The following MARK1 variants were observed in gnomAD, a reference collection of about 807,000 sequenced individuals.
MARK1 encodes the protein microtubule affinity regulating kinase 1, also known as serine/threonine-protein kinase MARK1.
Under a neutral mutation model 96.3 loss-of-function variants are expected in MARK1, and 40 were observed. The ratio of observed to expected loss-of-function variants is 0.42; its 90% CI spans 0.32 to 0.54. The LOEUF is 0.54. Among genes scored for constraint, MARK1 ranks in the 20% least tolerant of loss-of-function variants. MARK1 has a pLI of 0.16. For synonymous variants in MARK1, 317 were observed against 341.2 expected (o/e 0.93, Z 0.78); for missense variants, 719 against 984.6 (o/e 0.73, Z 3.61).
At chr1:220,624,190 C>T (rs766693369) in intron 9 of MARK1, among the ~76,000 whole-genome samples, 23 of 151,154 alleles carry the variant, frequency 1.5e-4, no homozygotes, top group African/African-American at 3.4e-4. Context: ...CCCAGCTACT[C>T]GGGAGGCTGA....
At chr1:220,547,462 G>T (rs1190801554) in intron 1 of MARK1, among the ~76,000 whole-genome samples, 1 of 152,168 alleles carries the variant, frequency 6.6e-6, no homozygotes, top group Admixed American at 6.5e-5. Context: ...TAAGAGTATG[G>T]TCACTGAGGA....
intron 1 of MARK1, among the ~76,000 whole-genome samples, chr1:220,536,085 T>C (rs940457766): frequency 1.6e-4 from 24 of 152,174 alleles, no homozygotes; most frequent in African/African-American, 5.8e-4. Flanking sequence ...GAAATGTAAC[T>C]GACTTTTGTA....
chr1:220,637,800 G>GAA (rs796892241), intron 13 of MARK1, among the ~76,000 whole-genome samples: 2 of 132,932 alleles, frequency 1.5e-5, no homozygotes, highest in Non-Finnish European at 3.3e-5. Flanking sequence ...CCAGCAGAAG[G>GAA]AAAAAAAAAA....
chr1:220,542,062 C>T (rs1661185366), intron 1 of MARK1, among the ~76,000 whole-genome samples: 1 of 152,146 alleles, frequency 6.6e-6, no homozygotes, highest in Non-Finnish European at 1.5e-5. Flanking sequence ...CTCTGGCAGT[C>T]CCCTAAAAAT....
At chr1:220,647,421 A>G (rs1006085993) in intron 13 of MARK1, among the ~76,000 whole-genome samples, 1 of 152,210 alleles carries the variant, frequency 6.6e-6, no homozygotes, top group Non-Finnish European at 1.5e-5. Context: ...AAGGTTTCAG[A>G]GAAACACTTT....
intron 1 of MARK1, among the ~76,000 whole-genome samples, chr1:220,542,552 C>G (rs1661213995): frequency 6.6e-6 from 1 of 152,178 alleles, no homozygotes; most frequent in South Asian, 2.1e-4. Context: ...CTGGGAACCC[C>G]TACTGACGTG....
chr1:220,546,972 CAAAAAAA>C (rs56026911), intron 1 of MARK1, among the ~76,000 whole-genome samples: 1 of 131,098 alleles, frequency 7.6e-6, no homozygotes, highest in African/African-American at 2.8e-5. Context: ...ACTCCGTCTC[CAAAAAAA>C]AAAAAAAAGA....
At chr1:220,572,485 T>C (rs1180998512) in intron 1 of MARK1, among the ~76,000 whole-genome samples, 1 of 152,166 alleles carries the variant, frequency 6.6e-6, no homozygotes, top group African/African-American at 2.4e-5. Context: ...TCAGGTGATC[T>C]GCCCTCCTCA....
intron 13 of MARK1, among the ~76,000 whole-genome samples, chr1:220,643,471 A>G (rs1052832142): frequency 6.6e-6 from 1 of 152,156 alleles, no homozygotes; most frequent in Non-Finnish European, 1.5e-5. Flanking sequence ...TAAAAGAGAC[A>G]GGGAGAATGG....
At chr1:220,567,000 A>G (rs1239910866) in intron 1 of MARK1, among the ~76,000 whole-genome samples, 1 of 152,174 alleles carries the variant, frequency 6.6e-6, no homozygotes, top group African/African-American at 2.4e-5. Context: ...TCAAAAGGGT[A>G]TGCCAGTGAA....
intron 3 of MARK1, among the ~76,000 whole-genome samples, chr1:220,597,906 T>A (rs1213875092): frequency 6.6e-6 from 1 of 152,170 alleles, no homozygotes; most frequent in Non-Finnish European, 1.5e-5. Flanking sequence ...GTCTGATCAG[T>A]CAGAAGAGAT....
chr1:220,661,853 G>A lies in MARK1; in HGVS notation c.2075G>A (p.Gly692Asp). The A allele has an allele frequency of 5.0e-6, 8 of 1,613,722 alleles. No homozygotes were observed. Among genetic ancestry groups the A allele is most frequent in the Non-Finnish European group, 5.1e-6 (6 of 1,179,760 alleles). The change falls in exon 18 of 18, where the codon GGT becomes GAT. Residue 692 changes from glycine to aspartate, a missense_variant. Coordinates refer to ENST00000366917, the MANE Select transcript of MARK1 (RefSeq NM_018650.5). ...GEPKERDKEE[G>D]KDSKPRSLRF... ...CCAAAAGAAAGAGACAAGGAAGAGG[G>A]TAAAGATTCTAAGCCGCGTTCTTTG... is the stretch of plus-strand genomic sequence containing the variant.
At chr1:220,602,250 C>A (rs1160534517) in intron 5 of MARK1, among the ~76,000 whole-genome samples, 1 of 151,980 alleles carries the variant, frequency 6.6e-6, no homozygotes, top group Non-Finnish European at 1.5e-5. Flanking sequence ...TATTTTGAAC[C>A]ATGTTTAATC....
At chr1:220,599,684 T>G (rs898873052) in intron 4 of MARK1, 114 bp from the exon 5 acceptor site, 2 of 506,364 alleles carry the variant, frequency 3.9e-6, no homozygotes, top group African/African-American at 2.0e-5. Flanking sequence ...TTGTGATTAA[T>G]AATGTTTAGC....
chr1:220,562,919 A>G (rs1662770535), intron 1 of MARK1, among the ~76,000 whole-genome samples: 2 of 152,106 alleles, frequency 1.3e-5, no homozygotes, highest in Non-Finnish European at 2.9e-5. Context: ...TTTTCAATCC[A>G]TAGTTGGTTG....
chr1:220,539,791 G>T (rs1408760013), intron 1 of MARK1, among the ~76,000 whole-genome samples: 1 of 151,188 alleles, frequency 6.6e-6, no homozygotes, highest in Non-Finnish European at 1.5e-5. Context: ...TTTTTCCTGA[G>T]AATTTTTATA....
chr1:220,553,246 A>G (rs1661995019), intron 1 of MARK1, among the ~76,000 whole-genome samples: 1 of 152,148 alleles, frequency 6.6e-6, no homozygotes, highest in African/African-American at 2.4e-5. Flanking sequence ...TTTATACTAC[A>G]TACTCTCTCT....
intron 3 of MARK1, 88 bp downstream of exon 3, chr1:220,581,206 T>A: frequency 2.3e-6 from 1 of 426,318 alleles, no homozygotes; most frequent in Non-Finnish European, 4.2e-6. Context: ...AAATTTTCTA[T>A]TAGGTACAAT....
Position 220,528,828 on chromosome 1 carries a change from G to A in MARK1, c.6G>A (p.Ser2=), listed in dbSNP as rs774549309. 2 of 1,561,010 alleles carry A rather than the reference G, an allele frequency of 1.3e-6. No individual in the cohort carries two copies. Among genetic ancestry groups the A allele is most frequent in the South Asian group, 2.4e-5 (2 of 84,750 alleles). Reference sequence around the variant, plus strand: ...GACCCCGCTGCCCGCACAAAATGTCGGCCCGGACGCCATTGCCGACGGTGA... The same window carrying A: ...GACCCCGCTGCCCGCACAAAATGTCAGCCCGGACGCCATTGCCGACGGTGA... M[S]ARTPLPTVNE... The change falls in exon 1 of 18, where the codon TCG becomes TCA. Residue 2 remains serine (S), a synonymous_variant. Coordinates refer to ENST00000366917, the MANE Select transcript of MARK1 (RefSeq NM_018650.5).
Sources: allele counts gnomAD v4.1 joint callset (sites outside exome capture counted in the v4.1 genomes callset), GRCh38; gene constraint gnomAD v4.1.1; transcripts MANE v1.5; gene names NCBI Gene and HGNC (gene_info 2026-07-23, HGNC 2026-07-21).